The following KLF8 variants were observed in gnomAD, a reference collection of about 807,000 sequenced individuals.
KLF8 encodes the protein KLF transcription factor 8, also known as Krueppel-like factor 8.
Under a neutral mutation model 18.2 loss-of-function variants are expected in KLF8, and 10 were observed. The ratio of observed to expected loss-of-function variants is 0.55; its 90% CI spans 0.34 to 0.93. KLF8 has a LOEUF of 0.93. KLF8 is among the 40% of genes least tolerant of loss of function. The pLI, the probability that KLF8 is intolerant of heterozygous loss-of-function variation, is 0.02. For synonymous variants in KLF8, 109 were observed against 97.3 expected, an observed-to-expected ratio of 1.12 and a Z score of -0.71; for missense variants, 264 against 277.9, an observed-to-expected ratio of 0.95 and a Z score of 0.36.
the KLF8 span, among the ~76,000 whole-genome samples, chrX:55,995,524 A>G: frequency 8.0e-5 from 9 of 111,901 alleles, no homozygotes; most frequent in Non-Finnish European, 1.7e-4. Context: ...GTAATTGTCT[A>G]TTGTTTCTGT....
At chrX:56,095,607 GA>G in the KLF8 span, among the ~76,000 whole-genome samples, 2 of 110,186 alleles carry the variant, frequency 1.8e-5, no homozygotes, top group Non-Finnish European at 3.8e-5. Context: ...AAGACAACAG[GA>G]AAAAAACAAA....
chrX:56,151,893 G>T, the KLF8 span, among the ~76,000 whole-genome samples: 1 of 111,468 alleles, frequency 9.0e-6, no homozygotes, highest in African/African-American at 3.3e-5. Context: ...GCATTTAATG[G>T]CCCACTTTTT....
the KLF8 span, among the ~76,000 whole-genome samples, chrX:56,092,573 A>G: frequency 9.0e-6 from 1 of 111,354 alleles, no homozygotes; most frequent in South Asian, 3.7e-4. Flanking sequence ...AATTCTTATT[A>G]TCCTTGCTGG....
the KLF8 span, among the ~76,000 whole-genome samples, chrX:56,147,032 A>T: frequency 4.6e-4 from 51 of 111,919 alleles, no homozygotes; most frequent in East Asian, 0.01. Context: ...TTTGATCAAG[A>T]TTCCATTTTA....
chrX:55,984,038 AATG>A, the KLF8 span, among the ~76,000 whole-genome samples: 1 of 109,050 alleles, frequency 9.2e-6, no homozygotes, highest in Admixed American at 9.9e-5. Context: ...GTATATATAT[AATG>A]ATATGGTATA....
chrX:55,914,078 A>G, the KLF8 span, among the ~76,000 whole-genome samples: 5 of 112,013 alleles, frequency 4.5e-5, no homozygotes, highest in African/African-American at 1.3e-4. Flanking sequence ...CTGGTCAGTG[A>G]TGGCATGATA....
the KLF8 span, among the ~76,000 whole-genome samples, chrX:55,943,970 T>C: frequency 8.9e-6 from 1 of 112,253 alleles, no homozygotes; most frequent in Non-Finnish European, 1.9e-5. Context: ...ACAAATTCAC[T>C]GTTTTTGTTT....
chrX:55,970,489 C>A, the KLF8 span, among the ~76,000 whole-genome samples: 2 of 111,233 alleles, frequency 1.8e-5, no homozygotes, highest in African/African-American at 3.3e-5. Context: ...TAGGGAAAAA[C>A]CAAAACCTTT....
the KLF8 span, among the ~76,000 whole-genome samples, chrX:55,911,596 TA>T: frequency 9.0e-6 from 1 of 111,470 alleles, no homozygotes; most frequent in South Asian, 3.7e-4. Context: ...GCTTTAAGTA[TA>T]AAACACCTCA....
At chrX:56,260,353 A>T (rs751702953) in intron 2 of KLF8, among the ~76,000 whole-genome samples, 1 of 112,174 alleles carries the variant, frequency 8.9e-6, no homozygotes, top group Non-Finnish European at 1.9e-5. Context: ...ACAATAGAGT[A>T]AGCATAAATA....
At chrX:55,932,440 G>A in the KLF8 span, among the ~76,000 whole-genome samples, 1 of 111,486 alleles carries the variant, frequency 9.0e-6, no homozygotes, top group African/African-American at 3.3e-5. Context: ...TTGCCCGTTA[G>A]TTGATGCATT....
intron 1 of KLF8, among the ~76,000 whole-genome samples, chrX:56,237,081 G>A (rs1165886577): frequency 1.9e-5 from 2 of 106,445 alleles, no homozygotes; most frequent in Non-Finnish European, 3.8e-5. Context: ...ACTTTTAAAA[G>A]TGTGGGACTA....
the KLF8 span, among the ~76,000 whole-genome samples, chrX:56,137,526 A>G: frequency 9.7e-6 from 1 of 103,618 alleles, no homozygotes; most frequent in African/African-American, 3.6e-5. Flanking sequence ...AACAATGCAT[A>G]TTCTCACTCA....
At chrX:56,177,974 A>G in the KLF8 span, among the ~76,000 whole-genome samples, 1 of 111,245 alleles carries the variant, frequency 9.0e-6, no homozygotes, top group Non-Finnish European at 1.9e-5. Context: ...GGTGCGAGTG[A>G]CCCTATTTTC....
the KLF8 span, among the ~76,000 whole-genome samples, chrX:55,971,425 C>T: frequency 3.0e-3 from 335 of 110,838 alleles, no homozygotes; most frequent in African/African-American, 0.01. Context: ...AATTGATTAA[C>T]GACTTAAATC....
the KLF8 span, among the ~76,000 whole-genome samples, chrX:55,930,987 G>A: frequency 8.9e-6 from 1 of 111,833 alleles, no homozygotes; most frequent in African/African-American, 3.3e-5. Context: ...ACCTCAGGTA[G>A]AATTTGGCTG....
chrX:56,205,563 C>T, the KLF8 span, among the ~76,000 whole-genome samples: 1 of 112,038 alleles, frequency 8.9e-6, no homozygotes, highest in East Asian at 2.8e-4. Flanking sequence ...TTGGTTTGCT[C>T]ATAGTTTGTT....
At chrX:56,215,402 C>A in the KLF8 span, among the ~76,000 whole-genome samples, 1 of 111,168 alleles carries the variant, frequency 9.0e-6, no homozygotes, top group Non-Finnish European at 1.9e-5. Context: ...GGAAGAGAGG[C>A]CCAAGTCGAG....
the KLF8 span, among the ~76,000 whole-genome samples, chrX:56,051,125 A>G: frequency 9.0e-6 from 1 of 110,708 alleles, no homozygotes; most frequent in East Asian, 2.8e-4. Context: ...GTCTTGGTAG[A>G]TCTTCCTCCA....
Sources: allele counts gnomAD v4.1 joint callset (sites outside exome capture counted in the v4.1 genomes callset), GRCh38; gene constraint gnomAD v4.1.1; transcripts MANE v1.5; gene names NCBI Gene and HGNC (gene_info 2026-07-23, HGNC 2026-07-21).